Variants in DDX17 observed in about 807,000 individuals in gnomAD.
DDX17 encodes probable ATP-dependent RNA helicase DDX17.
DDX17 carries 10 observed loss-of-function variants against 80.8 expected under a neutral mutation model. The ratio of observed to expected loss-of-function variants is 0.12; its 90% CI spans 0.08 to 0.21. The LOEUF (loss-of-function observed/expected upper bound fraction) is 0.21, where lower values mean the gene tolerates loss of function less well. DDX17 is among the 10% of genes least tolerant of loss of function. The probability of loss-of-function intolerance (pLI) is 1.00; values close to 1 mark genes in which losing one functional copy is unlikely to be tolerated. For missense variants in DDX17, 586 were observed against 957.4 expected (o/e 0.61, Z 5.12); for synonymous variants, 339 against 336.2 (o/e 1.01, Z -0.09).
chr22:38,493,677 GA>G, intron 10 of DDX17, 32 bp downstream of exon 10: 1 of 1,525,048 alleles, frequency 6.6e-7, no homozygotes, highest in Non-Finnish European at 9.1e-7. Context: ...AGGGGGTGGG[GA>G]ATCAACAGAA....
chr22:38,488,252 GAACAGA>G, intron 11 of DDX17, 137 bp from the exon 12 acceptor site: 1 of 1,560,586 alleles, frequency 6.4e-7, no homozygotes, highest in South Asian at 1.2e-5. Flanking sequence ...TAACCACTCT[GAACAGA>G]AACAAAAAAA....
chr22:38,495,719 T>A, intron 6 of DDX17, 77 bp downstream of exon 6: 18 of 1,297,038 alleles, frequency 1.4e-5, no homozygotes, highest in Non-Finnish European at 1.8e-5. Flanking sequence ...AAGAACCCAC[T>A]TTTTTTCTCC....
intron 11 of DDX17, 23 bp downstream of exon 11, chr22:38,492,033 C>G (rs1569138597): frequency 6.4e-7 from 1 of 1,563,742 alleles, no homozygotes; most frequent in Non-Finnish European, 8.7e-7. Context: ...ATACCATTGA[C>G]AGAGACACCT....
intron 1 of DDX17, among the ~76,000 whole-genome samples, chr22:38,501,613 G>A (rs2089831657): frequency 6.6e-6 from 1 of 152,194 alleles, no homozygotes; most frequent in South Asian, 2.1e-4. Context: ...AATTTGAAGA[G>A]AATTATTTAA....
intron 11 of DDX17, 102 bp from the exon 12 acceptor site, chr22:38,488,217 G>C (rs1159308402): frequency 2.5e-6 from 4 of 1,599,244 alleles, no homozygotes; most frequent in Non-Finnish European, 3.4e-6. Flanking sequence ...GCAGATGACA[G>C]CAAGAGGAAA....
rs1263775248 is a variant in DDX17, at chr22:38,505,683, A to T, written c.287+268T>A. On this transcript the variant is annotated intron_variant, in intron 1 of 12. Coordinates refer to ENST00000403230, the MANE Select transcript of DDX17 (RefSeq NM_006386.5). ...TGATGCGGCCAGGCCGCCCCTCCCG[A>T]TCCCCCGCGGGGCTGGGATGGGGCC... 2.7e-5 allele frequency: 12 copies of T among 437,018 alleles called. No homozygotes were observed. In the East Asian group the frequency reaches 4.4e-4, roughly 16 times the overall value. The allele number at this position is 437,018 out of a possible 1,614,324, so 27.1% of individuals were successfully genotyped here. A position where few individuals can be genotyped will look rare whatever the true frequency, so the allele number is the denominator to read the frequency against.
Position 38,489,505 on chromosome 22 carries a change from A to G in DDX17, c.1448-1390T>C. On this transcript the variant is annotated intron_variant, in intron 11 of 12. Coordinates refer to ENST00000403230, the MANE Select transcript of DDX17 (RefSeq NM_006386.5). This position sits in a 1 kb window ranked among gnomAD's most constrained non-coding sequence, Gnocchi z 4.6. Reference sequence around the variant, plus strand: ...AGGTCCTCCAACGCCTCCCCCAAGGATAATTGGGGTGATTGTAGAAAAAAA... The same window carrying G: ...AGGTCCTCCAACGCCTCCCCCAAGGGTAATTGGGGTGATTGTAGAAAAAAA... The G allele has an allele frequency of 1.0e-6, 1 of 985,634 alleles. No homozygotes were observed. 61.1% of individuals were successfully genotyped at this position (985,634 alleles called of 1,614,324 possible). A position where few individuals can be genotyped will look rare whatever the true frequency, so the allele number is the denominator to read the frequency against.
At chr22:38,501,363 G>A in intron 1 of DDX17, 83 bp from the exon 2 acceptor site, 1 of 1,449,808 alleles carries the variant, frequency 6.9e-7, no homozygotes, top group African/African-American at 1.4e-5. Context: ...AAAAAGGATG[G>A]AGTTCTAGGG....
At chr22:38,505,910 C>G (rs1277348943) in intron 1 of DDX17, 41 bp downstream of exon 1, 1 of 1,532,110 alleles carries the variant, frequency 6.5e-7, no homozygotes. Context: ...GCAACTCCCC[C>G]ACCCCCACGC....
intron 5 of DDX17, 42 bp from the exon 6 acceptor site, chr22:38,495,979 TAAAAAAAAAAA>T (rs201173235): frequency 7.5e-6 from 6 of 803,304 alleles, no homozygotes; most frequent in Admixed American, 4.5e-5. Context: ...ATCCAAGGTT[TAAAAAAAAAAA>T]AAAAAAAAAG....
chr22:38,491,955 T>C, intron 11 of DDX17, 101 bp downstream of exon 11: 2 of 725,188 alleles, frequency 2.8e-6, no homozygotes, highest in Non-Finnish European at 4.3e-6. Context: ...TCTAACCACA[T>C]GTATATACAA....
At chr22:38,500,633 T>C (rs756285045) in intron 2 of DDX17, among the ~76,000 whole-genome samples, 3 of 150,610 alleles carry the variant, frequency 2.0e-5, no homozygotes, top group East Asian at 2.0e-4. Context: ...CTGCCCAACA[T>C]AGTGAAACTC....
chr22:38,490,404 G>T lies in DDX17; in HGVS notation c.1447+1652C>A, dbSNP rs936168173. The stretch of plus-strand genomic sequence containing the variant: ...GCCAATGTAGATTTGTCTCGGCCAT[G>T]TATTGAGTGATCTGCAGCTGATATC... On this transcript the variant is annotated intron_variant, in intron 11 of 12. Transcript: ENST00000403230. 7.8e-6 allele frequency: 10 copies of T among 1,289,296 alleles called. No homozygotes were observed. In the Middle Eastern group the frequency reaches 6.4e-4, roughly 82 times the overall value. The allele number at this position is 1,289,296 out of a possible 1,614,324, so 79.9% of individuals were successfully genotyped here. A position where few individuals can be genotyped will look rare whatever the true frequency, so the allele number is the denominator to read the frequency against.
intron 6 of DDX17, 77 bp from the exon 7 acceptor site, chr22:38,495,123 A>T: frequency 6.9e-7 from 1 of 1,450,710 alleles, no homozygotes; most frequent in Middle Eastern, 1.9e-4. Context: ...CTTTGGGAAG[A>T]GGAGGCGGGA....
intron 1 of DDX17, chr22:38,505,089 A>G (rs1837988): frequency 0.25 from 38,271 of 152,106 alleles, 5,440 homozygotes; most frequent in East Asian, 0.37. Context: ...TGTTATTTTT[A>G]GTAGAAACGG....
chr22:38,489,851 G>A lies in DDX17; in HGVS notation c.1448-1736C>T, dbSNP rs1322916044. On this transcript the variant is annotated intron_variant, in intron 11 of 12. Transcript: ENST00000403230. The surrounding 1 kb of genome is among the most constrained non-coding windows in gnomAD (Gnocchi z 4.6). Reference sequence around the variant, plus strand: ...GGCCAGGGTGGATGTAAGACAGGGGGTGGGGAATTCTACTCCATGGTATCT... The same window carrying A: ...GGCCAGGGTGGATGTAAGACAGGGGATGGGGAATTCTACTCCATGGTATCT... 1.0e-6 allele frequency: 1 copy of A among 985,866 alleles called. No individual in the cohort carries two copies. Among genetic ancestry groups the A allele is most frequent in the Non-Finnish European group, 1.2e-6 (1 of 830,378 alleles). The allele number at this position is 985,866 out of a possible 1,614,324, so 61.1% of individuals were successfully genotyped here.
intron 10 of DDX17, 42 bp from the exon 11 acceptor site, chr22:38,492,157 T>C (rs749289727): frequency 6.6e-7 from 1 of 1,526,450 alleles, no homozygotes; most frequent in Admixed American, 1.8e-5. Flanking sequence ...AAGCATTCCT[T>C]GCTATCTGAT....
At chr22:38,488,566 T>C in intron 11 of DDX17, 1 of 995,502 alleles carries the variant, frequency 1.0e-6, no homozygotes, top group South Asian at 4.5e-5. Flanking sequence ...ACCAACAACA[T>C]AACAAACTTA....
Position 38,498,074 on chromosome 22 carries a change from AAC to A in DDX17, c.738+9_738+10del, listed in dbSNP as rs1183357914. 2 of 1,612,624 alleles carry A rather than the reference AAC, an allele frequency of 1.2e-6. No individual in the cohort carries two copies. Among genetic ancestry groups the A allele is most frequent in the East Asian group, 2.2e-5 (1 of 44,856 alleles). ...TTTCTTAGAATTACAAAGAAACTGA[AAC>A]ACACTTACGATTGGGCCATCTCCCC... On this transcript the variant is annotated intron_variant, in intron 5 of 12. Coordinates refer to ENST00000403230, the MANE Select transcript of DDX17 (RefSeq NM_006386.5).
Sources: gnomAD v4.1 joint callset for allele counts (sites outside exome capture counted in the v4.1 genomes callset) on GRCh38, gnomAD v4.1.1 for gene constraint, Gnocchi (gnomAD v3.1) non-coding constraint, MANE v1.5 for transcripts, NCBI Gene and HGNC (gene_info 2026-07-23, HGNC 2026-07-21) for gene names.